The following TLR6 variants were observed in gnomAD, a reference collection of about 807,000 sequenced individuals.
The protein encoded by TLR6 is toll like receptor 6.
A neutral mutation model predicts 16.1 loss-of-function variants in TLR6; 9 were observed. The observed-to-expected ratio is 0.56, with a 90% CI of 0.34 to 0.98. The LOEUF is 0.98. Among genes scored for constraint, TLR6 ranks in the 50% least tolerant of loss-of-function variants. The pLI is 0.02. For synonymous variants in TLR6, 340 were observed against 338.6 expected, an observed-to-expected ratio of 1.00 and a Z score of -0.04; for missense variants, 786 against 921.0, an observed-to-expected ratio of 0.85 and a Z score of 1.90.
chr4:38,848,522 A>G (rs1712632875), intron 1 of TLR6, among the ~76,000 whole-genome samples: 1 of 152,218 alleles, frequency 6.6e-6, no homozygotes, highest in African/African-American at 2.4e-5. Context: ...AAGAAGCTAA[A>G]AACCTTGACA....
At chr4:38,849,278 G>A (rs536551000) in intron 1 of TLR6, among the ~76,000 whole-genome samples, 46 of 152,284 alleles carry the variant, frequency 3.0e-4, no homozygotes, top group African/African-American at 1.0e-3. Flanking sequence ...CCTGAAGGAA[G>A]CACTAAACAT....
chr4:38,845,237 C>T (rs974573565), intron 1 of TLR6, among the ~76,000 whole-genome samples: 2 of 152,040 alleles, frequency 1.3e-5, no homozygotes, highest in Non-Finnish European at 1.5e-5. Flanking sequence ...CACTAAAAGG[C>T]AAGGGGACCT....
intron 1 of TLR6, among the ~76,000 whole-genome samples, chr4:38,830,060 C>T (rs964130258): frequency 1.3e-5 from 2 of 152,188 alleles, no homozygotes; most frequent in Non-Finnish European, 2.9e-5. Flanking sequence ...CAAGGCTGGA[C>T]GCATGTTCAG....
intron 1 of TLR6, among the ~76,000 whole-genome samples, chr4:38,853,052 TA>T (rs757396123): frequency 0.2 from 30,282 of 150,002 alleles, 3,865 homozygotes; most frequent in Non-Finnish European, 0.28. Flanking sequence ...TATGCAGCCA[TA>T]AAAAAGGATG....
At chr4:38,859,858 G>A (rs1011678406), upstream of TLR6, among the ~76,000 whole-genome samples, 1 of 151,792 alleles carries the variant, frequency 6.6e-6, no homozygotes, top group African/African-American at 2.4e-5. Flanking sequence ...GAGCCACCCC[G>A]CCCGGCCTCT....
At chr4:38,863,353 AC>A in the TLR6 span, among the ~76,000 whole-genome samples, 1 of 152,186 alleles carries the variant, frequency 6.6e-6, no homozygotes, top group South Asian at 2.1e-4. Flanking sequence ...AATACCCAAG[AC>A]TTAGTCTTGG....
intron 1 of TLR6, among the ~76,000 whole-genome samples, chr4:38,840,321 A>G (rs1203200767): frequency 6.6e-6 from 1 of 152,222 alleles, no homozygotes; most frequent in Non-Finnish European, 1.5e-5. Context: ...ATTTGAAAAT[A>G]ATAATGCATA....
intron 1 of TLR6, among the ~76,000 whole-genome samples, chr4:38,848,959 C>T (rs1056162327): frequency 2.6e-5 from 4 of 152,142 alleles, no homozygotes; most frequent in Non-Finnish European, 5.9e-5. Context: ...AGAAGAGCAA[C>T]TCCAAGACAC....
chr4:38,867,039 C>T, the TLR6 span, among the ~76,000 whole-genome samples: 1 of 152,142 alleles, frequency 6.6e-6, no homozygotes, highest in African/African-American at 2.4e-5. Flanking sequence ...GCGCTTCCTC[C>T]GCATCTGAGT....
chr4:38,858,741 AAGAGAGAGAGAGAGAGGGAGAG>A (rs1456827188), upstream of TLR6, among the ~76,000 whole-genome samples: 1,027 of 99,832 alleles, frequency 0.01, 38 homozygotes, highest in African/African-American at 0.033. Flanking sequence ...GAAAGAAAGA[AAGAGAGAGAGAGAGAGGGAGAG>A]AGAGAGAGAG....
rs191751061 is a variant in TLR6 at position 38,840,822 on chromosome 4, T to C, written c.-64-11285A>G. On this transcript the variant is annotated intron_variant, in intron 1 of 1. Coordinates refer to ENST00000436693, the Ensembl canonical transcript of TLR6. Reference sequence around the variant, plus strand: ...GCTCATGTTGGTGTAAATATGTAAATAGAAGCAGAGAAGCATTTCCAAACA... The same window carrying C: ...GCTCATGTTGGTGTAAATATGTAAACAGAAGCAGAGAAGCATTTCCAAACA... 3.1e-3 allele frequency among the ~76,000 whole-genome samples: 469 copies of C among 152,162 alleles called. 3 individuals carry two copies. Among genetic ancestry groups the C allele is most frequent in the African/African-American group, 9.4e-3 (392 of 41,516 alleles).
At chr4:38,825,289 C>A (rs1457157733) in exon 2 of TLR6, 1 of 152,158 alleles carries the variant, frequency 6.6e-6, no homozygotes, top group Admixed American at 6.5e-5. Context: ...ATGTCCAGGC[C>A]AGTCCAATTT....
At chr4:38,839,478 G>A (rs931598004) in intron 1 of TLR6, among the ~76,000 whole-genome samples, 5 of 151,990 alleles carry the variant, frequency 3.3e-5, no homozygotes, top group Admixed American at 1.3e-4. Context: ...TAGACCAGCC[G>A]GTTTGATAAT....
At chr4:38,858,832 G>GAAAGA (rs1713115000), upstream of TLR6, among the ~76,000 whole-genome samples, 4 of 50,894 alleles carry the variant, frequency 7.9e-5, no homozygotes, top group East Asian at 6.3e-4. Context: ...AGAGAGAGAG[G>GAAAGA]AAGAAAGAAA....
At chr4:38,865,553 T>C in the TLR6 span, among the ~76,000 whole-genome samples, 1 of 152,166 alleles carries the variant, frequency 6.6e-6, no homozygotes, top group Non-Finnish European at 1.5e-5. Context: ...GCAAAGGTGC[T>C]TGCTGTCTCT....
exon 2 of TLR6, chr4:38,828,159 T>C: frequency 6.2e-7 from 1 of 1,614,236 alleles, no homozygotes; most frequent in South Asian, 1.1e-5. Flanking sequence ...TCAGTAAGCA[T>C]ATTTGAAGAC....
intron 1 of TLR6, among the ~76,000 whole-genome samples, chr4:38,832,670 AC>A (rs1711671668): frequency 6.6e-6 from 1 of 151,832 alleles, no homozygotes; most frequent in Non-Finnish European, 1.5e-5. Flanking sequence ...GAATCTCCAC[AC>A]CCCTGAAGCC....
At chr4:38,847,858 C>A (rs1441791411) in intron 1 of TLR6, among the ~76,000 whole-genome samples, 1 of 152,336 alleles carries the variant, frequency 6.6e-6, no homozygotes, top group South Asian at 2.1e-4. Context: ...CCTCTGGGGG[C>A]AGGGCATAGC....
At chr4:38,823,127 A>C (rs922680381), downstream of TLR6, among the ~76,000 whole-genome samples, 1 of 152,132 alleles carries the variant, frequency 6.6e-6, no homozygotes, top group Non-Finnish European at 1.5e-5. Flanking sequence ...ATCACCTCCC[A>C]CTGGGTCCCT....
Sources: allele counts gnomAD v4.1 joint callset (sites outside exome capture counted in the v4.1 genomes callset), GRCh38; gene constraint gnomAD v4.1.1; transcripts MANE v1.5; gene names NCBI Gene and HGNC (gene_info 2026-07-23, HGNC 2026-07-21).